Variants in CHD5 observed in about 807,000 individuals in gnomAD.
The protein encoded by CHD5 is ATP-dependent chromatin remodeler CHD5.
A neutral mutation model predicts 230.3 loss-of-function variants in CHD5; 69 were observed. The ratio of observed to expected loss-of-function variants is 0.30; its 90% confidence interval spans 0.25 to 0.37. CHD5 has a LOEUF of 0.37. Among genes scored for constraint, CHD5 ranks in the 10% least tolerant of loss-of-function variants. The pLI, the probability that CHD5 is intolerant of heterozygous loss-of-function variation, is 1.00. For missense variants in CHD5, 1,827 were observed against 2,622.8 expected (o/e 0.70, Z 6.63); for synonymous variants, 1,064 against 1,065.9 (o/e 1.00, Z 0.03).
chr1:6,166,278 G>GT (rs1206209329), intron 2 of CHD5, among the ~76,000 whole-genome samples: 1 of 146,076 alleles, frequency 6.8e-6, no homozygotes, highest in African/African-American at 2.6e-5. Context: ...GGTGGGGGTC[G>GT]GGGGCAGGGG....
chr1:6,174,513 GTGGA>G (rs113035924), intron 1 of CHD5, among the ~76,000 whole-genome samples: 34,462 of 148,640 alleles, frequency 0.23, 6,429 homozygotes, highest in African/African-American at 0.53. Context: ...TGGATGGTGG[GTGGA>G]TGGATGGATG....
intron 33 of CHD5, among the ~76,000 whole-genome samples, chr1:6,115,845 G>A (rs1343971029): frequency 6.6e-6 from 1 of 152,218 alleles, no homozygotes; most frequent in Non-Finnish European, 1.5e-5. Context: ...AGCTCATGGT[G>A]AGTGCTGTTT....
intron 41 of CHD5, 34 bp downstream of exon 41, chr1:6,106,199 TG>T: frequency 6.3e-7 from 1 of 1,581,844 alleles, no homozygotes; most frequent in Non-Finnish European, 8.7e-7. Flanking sequence ...AGCAATGGGG[TG>T]GCGGGGAGGA....
intron 33 of CHD5, among the ~76,000 whole-genome samples, chr1:6,115,187 G>A (rs1282194237): frequency 4.6e-5 from 7 of 151,764 alleles, no homozygotes; most frequent in Non-Finnish European, 1.0e-4. Flanking sequence ...TTAGCCGGGC[G>A]TGGTGGCGGG....
Position 6,168,229 on chromosome 1 carries a change from T to C in CHD5, c.128A>G (p.Glu43Gly), listed in dbSNP as rs1381055945. 6.2e-7 allele frequency: 1 copy of C among 1,611,402 alleles called. No individual in the cohort carries two copies. Among genetic ancestry groups the C allele is most frequent in the Admixed American group, 1.7e-5 (1 of 59,912 alleles). The change falls in exon 2 of 42, where the codon GAG (glutamate) becomes GGG (glycine). Residue 43 changes from glutamate (E) to glycine (G), a missense_variant. Around this residue, in one of 14 missense-constraint regions of CHD5, gnomAD observed 113 missense variants for 91.9 expected, o/e 1.23. Transcript: ENST00000262450. ...CTTCTTCTTAGGAAGGCTCACGGGC[T>C]CCACAGGGAAAAAGTCATCGAAGGC... ...LEAFDDFFPV[E>G]PVSLPKKKKP... is the part of the protein sequence containing the mutation.
In CHD5 at chr1:6,167,990, G is replaced by A. The variant is rs973877331; in HGVS notation, c.207+160C>T. Among the ~76,000 whole-genome samples the A allele has an allele frequency of 6.6e-6, 1 of 152,114 alleles. No homozygotes were observed. Among genetic ancestry groups the A allele is most frequent in the Non-Finnish European group, 1.5e-5 (1 of 68,026 alleles). The stretch of plus-strand genomic sequence containing the variant: ...TCTTAAAAAGGCTTCCGTGCACAAC[G>A]CTTCATACGAGAAACTGGTTATGGT... On this transcript the variant is annotated intron_variant, in intron 2 of 41. Transcript: ENST00000262450. This position sits in a 1 kb window ranked among gnomAD's most constrained non-coding sequence, Gnocchi z 4.5.
chr1:6,154,817 G>A lies in CHD5; in HGVS notation c.588C>T (p.Ser196=), dbSNP rs776391442. 5.9e-5 allele frequency: 95 copies of A among 1,613,772 alleles called. No homozygotes were observed. The highest frequency in any genetic ancestry group is 1.9e-4 in the South Asian group (17 of 91,092). ...TVLGAKWREF[S]ANNPFKGSSA... is the part of the protein sequence containing the mutation. ...AGCTGCCCTTGAAGGGGTTGTTGGC[G>A]CTGAACTCCCGCCACTTGGCACCCA... The change falls in exon 5 of 42, where the codon AGC becomes AGT. Residue 196 remains serine, a synonymous_variant. Transcript: ENST00000262450. This position sits in a 1 kb window ranked among gnomAD's most constrained non-coding sequence, Gnocchi z 7.0.
chr1:6,137,489 A>G (rs1237406813), intron 15 of CHD5, among the ~76,000 whole-genome samples: 1 of 150,180 alleles, frequency 6.7e-6, no homozygotes, highest in Non-Finnish European at 1.5e-5. Context: ...TTTATCCCCC[A>G]CTCCCCCCAG....
In CHD5 at chr1:6,146,083, C is replaced by T; in HGVS notation, c.1802+129G>A. 1 of 836,620 alleles carries T rather than the reference C, an allele frequency of 1.2e-6. No individual in the cohort carries two copies. Among genetic ancestry groups the T allele is most frequent in the Non-Finnish European group, 1.9e-6 (1 of 530,878 alleles). The allele number at this position is 836,620 out of a possible 1,614,324, so 51.8% of individuals were successfully genotyped here. A position where few individuals can be genotyped will look rare whatever the true frequency, so the allele number is the denominator to read the frequency against. On this transcript the variant is annotated intron_variant, in intron 11 of 41. Transcript: ENST00000262450. The surrounding 1 kb of genome is among the most constrained non-coding windows in gnomAD (Gnocchi z 5.1). ...CTTCCTTGTGCCCCTGCTGTGCCCACATGTGGTTCTGCACGGCAGCCCCAA... is the reference window on the plus strand; with the variant it reads ...CTTCCTTGTGCCCCTGCTGTGCCCATATGTGGTTCTGCACGGCAGCCCCAA...
intron 31 of CHD5, among the ~76,000 whole-genome samples, chr1:6,123,210 AG>A (rs1666498289): frequency 6.6e-6 from 1 of 152,134 alleles, no homozygotes; most frequent in African/African-American, 2.4e-5. Context: ...CCAGACAGAA[AG>A]GCCCACGCAC....
At chr1:6,156,540 A>G (rs1283079676) in intron 3 of CHD5, among the ~76,000 whole-genome samples, 1 of 151,094 alleles carries the variant, frequency 6.6e-6, no homozygotes, top group Admixed American at 6.6e-5. Flanking sequence ...TGTCTCAAAA[A>G]AAAAAAAAAA....
rs1666603152 is a variant in CHD5, at chr1:6,128,666, C to T, written c.3620-57G>A. 4.1e-6 allele frequency: 6 copies of T among 1,455,604 alleles called. No individual in the cohort carries two copies. The highest frequency in any genetic ancestry group is 3.4e-5 in the South Asian group (3 of 86,970). The allele number at this position is 1,455,604 out of a possible 1,614,324, so 90.2% of individuals were successfully genotyped here. Reference sequence around the variant, plus strand: ...GGACCACAGAGGGCTGCAGGGTTGGCGGGCAGTGCCCAGAGACACCACCCT... The same window carrying T: ...GGACCACAGAGGGCTGCAGGGTTGGTGGGCAGTGCCCAGAGACACCACCCT... On this transcript the variant is annotated intron_variant, in intron 23 of 41. Transcript: ENST00000262450. This position sits in a 1 kb window ranked among gnomAD's most constrained non-coding sequence, Gnocchi z 7.8.
chr1:6,111,922 C>T, intron 35 of CHD5, 39 bp from the exon 36 acceptor site: 1 of 1,575,148 alleles, frequency 6.3e-7, no homozygotes, highest in Non-Finnish European at 8.7e-7. Context: ...GAGAAGTGCC[C>T]CAGCTCTCAC....
Position 6,148,864 on chromosome 1 carries a change from G to C in CHD5, c.1373C>G (p.Pro458Arg). 1 of 1,564,830 alleles carries C rather than the reference G, an allele frequency of 6.4e-7. No individual in the cohort carries two copies. Among genetic ancestry groups the C allele is most frequent in the Non-Finnish European group, 8.7e-7 (1 of 1,154,366 alleles). The change falls in exon 9 of 42, where the codon CCG becomes CGG. Residue 458 changes from proline (P) to arginine (R), a missense_variant. Pro to Arg is a moderately radical substitution (Grantham distance 103). This residue lies in a region of CHD5 where 657 missense variants were observed against 816.4 expected (regional missense o/e 0.80). Transcript: ENST00000262450. ...GGGCGGAACACTCACAGTACAGCGC[G>C]GGCAGAGCCATTCACCGTTTGGGAT... ...PEIPNGEWLC[P>R]RCTCPPLKGK...
chr1:6,146,094 G>A lies in CHD5; in HGVS notation c.1802+118C>T, dbSNP rs1056340040. ...CCCTGCTGTGCCCACATGTGGTTCT[G>A]CACGGCAGCCCCAAAGCAAGGGCCC... On this transcript the variant is annotated intron_variant, in intron 11 of 41. Coordinates refer to ENST00000262450, the MANE Select transcript of CHD5 (RefSeq NM_015557.3). The surrounding 1 kb of genome is among the most constrained non-coding windows in gnomAD (Gnocchi z 5.1). 9.3e-6 allele frequency: 9 copies of A among 971,660 alleles called. No individual in the cohort carries two copies. Among genetic ancestry groups the A allele is most frequent in the Admixed American group, 6.5e-5 (3 of 45,980 alleles). 60.2% of individuals were successfully genotyped at this position (971,660 alleles called of 1,614,324 possible). A position where few individuals can be genotyped will look rare whatever the true frequency, so the allele number is the denominator to read the frequency against.
intron 3 of CHD5, among the ~76,000 whole-genome samples, chr1:6,158,997 A>T: frequency 1.1e-5 from 1 of 89,350 alleles, no homozygotes; most frequent in Non-Finnish European, 2.0e-5. Flanking sequence ...ACAGAGCGAG[A>T]CTCCGTCTCA....
intron 15 of CHD5, 26 bp from the exon 16 acceptor site, chr1:6,136,891 T>A (rs2785582): frequency 0.43 from 678,937 of 1,583,146 alleles, 153,167 homozygotes; most frequent in East Asian, 0.83. Context: ...GCATTGGGGA[T>A]GAGACGGCTG....
chr1:6,147,977 G>A (rs1387341592), intron 9 of CHD5, among the ~76,000 whole-genome samples: 1 of 151,986 alleles, frequency 6.6e-6, no homozygotes, highest in African/African-American at 2.4e-5. Flanking sequence ...AAGAAGCTGA[G>A]AGGAACCCCA....
At chr1:6,127,526 G>C (rs1431698816) in intron 25 of CHD5, among the ~76,000 whole-genome samples, 1 of 151,930 alleles carries the variant, frequency 6.6e-6, no homozygotes, top group Non-Finnish European at 1.5e-5. Context: ...GTCCTGGAAC[G>C]TTGGCGGTCC....
Sources: allele counts gnomAD v4.1 joint callset (sites outside exome capture counted in the v4.1 genomes callset), GRCh38; gene constraint gnomAD v4.1.1; regional missense constraint gnomAD v4.1.1; non-coding constraint Gnocchi (gnomAD v3.1); transcripts MANE v1.5; gene names NCBI Gene and HGNC (gene_info 2026-07-23, HGNC 2026-07-21).